The following MOSMO variants were observed in gnomAD, a reference collection of about 807,000 sequenced individuals.
MOSMO encodes the protein modulator of smoothened protein.
Under a neutral mutation model 18.4 loss-of-function variants are expected in MOSMO, and 5 were observed. The ratio of observed to expected loss-of-function variants is 0.27; its 90% CI spans 0.14 to 0.57. MOSMO has a LOEUF of 0.57. MOSMO is among the 20% of genes least tolerant of loss of function. MOSMO has a pLI of 0.92. For missense variants in MOSMO, 138 were observed against 211.8 expected, an observed-to-expected ratio of 0.65 and a Z score of 2.16; for synonymous variants, 82 against 82.3, an observed-to-expected ratio of 1.00 and a Z score of 0.02.
downstream of MOSMO, chr16:22,089,933 T>C (rs976736015): frequency 2.0e-5 from 3 of 152,116 alleles, no homozygotes; most frequent in Non-Finnish European, 4.4e-5. Context: ...CCCCTTTGGC[T>C]TTCCTGAGAG....
intron 1 of MOSMO, among the ~76,000 whole-genome samples, chr16:22,063,319 A>G (rs1293654765): frequency 6.6e-6 from 1 of 152,232 alleles, no homozygotes; most frequent in Non-Finnish European, 1.5e-5. Context: ...TTTAGTAGAG[A>G]AATGATTTAA....
chr16:22,072,082 C>T (rs1229190019), intron 1 of MOSMO, among the ~76,000 whole-genome samples: 1 of 152,218 alleles, frequency 6.6e-6, no homozygotes, highest in African/African-American at 2.4e-5. Flanking sequence ...AAAGAAGCTA[C>T]CTTAAAGTAA....
intron 1 of MOSMO, among the ~76,000 whole-genome samples, chr16:22,035,150 T>C (rs1900082587): frequency 6.6e-6 from 1 of 152,160 alleles, no homozygotes; most frequent in African/African-American, 2.4e-5. Flanking sequence ...GGAAGAGTTC[T>C]ATAATCCTAT....
intron 2 of MOSMO, 129 bp downstream of exon 2, chr16:22,075,828 G>C: frequency 1.5e-6 from 1 of 675,920 alleles, no homozygotes; most frequent in South Asian, 1.7e-5. Flanking sequence ...GTATGGCCGT[G>C]AGATAGACTC....
At chr16:22,070,814 T>A (rs1815980927) in intron 1 of MOSMO, among the ~76,000 whole-genome samples, 1 of 152,214 alleles carries the variant, frequency 6.6e-6, no homozygotes, top group Non-Finnish European at 1.5e-5. Context: ...GCTGTTGTTT[T>A]GTTTTTGTGC....
At position 22,029,681 on chromosome 16, in the gene MOSMO, A is replaced by G. The variant is rs539288588; in HGVS notation, c.106+21274A>G. Among the ~76,000 whole-genome samples the G allele has an allele frequency of 2.8e-4, 42 of 152,318 alleles. No individual in the cohort carries two copies. The South Asian group carries it at 8.5e-3, about 31-fold the overall frequency. On this transcript the variant is annotated intron_variant, in intron 1 of 2. Transcript: ENST00000542527. Reference sequence around the variant, plus strand: ...CTCCCTGTTGCCCAGCCTGGAGTACAGTGGTGCAATCATAGCTCACCACAG... The same window carrying G: ...CTCCCTGTTGCCCAGCCTGGAGTACGGTGGTGCAATCATAGCTCACCACAG...
downstream of MOSMO, chr16:22,089,881 A>T (rs1180614484): frequency 6.6e-6 from 1 of 150,596 alleles, no homozygotes; most frequent in Non-Finnish European, 1.5e-5. Context: ...TGATTTTTAG[A>T]TCTCTGATTT....
At chr16:22,012,438 A>G (rs890071593) in intron 1 of MOSMO, among the ~76,000 whole-genome samples, 1 of 152,226 alleles carries the variant, frequency 6.6e-6, no homozygotes. Flanking sequence ...CCTGACACAC[A>G]GTAAATGCTC....
At chr16:22,033,717 G>A (rs1004135319) in intron 1 of MOSMO, among the ~76,000 whole-genome samples, 6 of 151,840 alleles carry the variant, frequency 4.0e-5, no homozygotes, top group Non-Finnish European at 8.8e-5. Context: ...CCACTTGGGA[G>A]GCTGAGGCAG....
chr16:22,075,512 A>G lies in MOSMO; in HGVS notation c.132A>G (p.Arg44=). Residue 44 remains arginine, a synonymous_variant, in exon 2 of 3, where the codon CGA becomes CGG. Transcript: ENST00000542527. ...GAGCACTCACTGTGGGCCTCGTGCG[A>G]CAGTGTCAAACAATCCATGGACGAG... ...SAGALTVGLV[R]QCQTIHGRDR... The G allele has an allele frequency of 6.5e-7, 1 of 1,537,318 alleles. No individual in the cohort carries two copies. Among genetic ancestry groups the G allele is most frequent in the Non-Finnish European group, 8.7e-7 (1 of 1,146,924 alleles).
intron 1 of MOSMO, among the ~76,000 whole-genome samples, chr16:22,045,139 C>T (rs993805030): frequency 6.7e-6 from 1 of 149,858 alleles, no homozygotes; most frequent in Non-Finnish European, 1.5e-5. Context: ...GAGCCAAGAT[C>T]GTGACACTGC....
intron 1 of MOSMO, among the ~76,000 whole-genome samples, chr16:22,044,557 C>T (rs1399335529): frequency 6.6e-6 from 1 of 151,984 alleles, no homozygotes; most frequent in African/African-American, 2.4e-5. Context: ...GATGCTCAAC[C>T]GTAAGTATAA....
intron 1 of MOSMO, among the ~76,000 whole-genome samples, chr16:22,053,720 T>C (rs1900475362): frequency 6.6e-6 from 1 of 152,068 alleles, no homozygotes; most frequent in Non-Finnish European, 1.5e-5. Flanking sequence ...GGAGAATCAC[T>C]TGAACCCAGG....
At chr16:22,032,959 T>C (rs1285272170) in intron 1 of MOSMO, among the ~76,000 whole-genome samples, 2 of 152,214 alleles carry the variant, frequency 1.3e-5, no homozygotes, top group Non-Finnish European at 2.9e-5. Flanking sequence ...CCCAATTGAA[T>C]AGTCATGTCA....
At chr16:22,021,794 T>C (rs1899768268) in intron 1 of MOSMO, among the ~76,000 whole-genome samples, 1 of 151,558 alleles carries the variant, frequency 6.6e-6, no homozygotes, top group Admixed American at 6.6e-5. Flanking sequence ...TGAGACCCTG[T>C]CTCAAAAAAA....
chr16:22,012,649 C>G (rs1464904235), intron 1 of MOSMO, among the ~76,000 whole-genome samples: 1 of 150,692 alleles, frequency 6.6e-6, no homozygotes, highest in African/African-American at 2.4e-5. Context: ...TGGACTTTCT[C>G]TGTCACTTCC....
intron 1 of MOSMO, among the ~76,000 whole-genome samples, chr16:22,027,432 C>A (rs1899897954): frequency 3.3e-5 from 5 of 152,110 alleles, no homozygotes. Context: ...ATGTTCTAAC[C>A]AACTCCTTCT....
chr16:22,086,590 G>T (rs1444078919), downstream of MOSMO, among the ~76,000 whole-genome samples: 2 of 152,146 alleles, frequency 1.3e-5, no homozygotes, highest in African/African-American at 4.8e-5. Context: ...GTGACCCTTA[G>T]TAAATCATGT....
intron 1 of MOSMO, among the ~76,000 whole-genome samples, chr16:22,072,894 T>TA (rs1900887021): frequency 1.3e-5 from 2 of 152,128 alleles, no homozygotes; most frequent in South Asian, 4.1e-4. Flanking sequence ...TCTTCTAGAA[T>TA]AGAGCTGCTA....
Sources: gnomAD v4.1 joint callset for allele counts (sites outside exome capture counted in the v4.1 genomes callset) on GRCh38, gnomAD v4.1.1 for gene constraint, MANE v1.5 for transcripts, NCBI Gene and HGNC (gene_info 2026-07-23, HGNC 2026-07-21) for gene names.